The following PPP6R2 variants were observed in gnomAD, a reference collection of about 807,000 sequenced individuals.
PPP6R2 encodes protein phosphatase 6 regulatory subunit 2.
In PPP6R2, 62 loss-of-function variants were observed where a neutral mutation model predicts 100.2. The ratio of observed to expected loss-of-function variants is 0.62; its 90% confidence interval spans 0.50 to 0.76. PPP6R2 has a LOEUF of 0.76. Among genes scored for constraint, PPP6R2 ranks in the 30% least tolerant of loss-of-function variants. PPP6R2 has a pLI of 0.00. For missense variants in PPP6R2, 1,142 were observed against 1,276.3 expected (o/e 0.89, Z 1.60); for synonymous variants, 525 against 514.7 (o/e 1.02, Z -0.27).
At chr22:50,332,882 C>G in the PPP6R2 span, among the ~76,000 whole-genome samples, 69,413 of 151,924 alleles carry the variant, frequency 0.46, 17,017 homozygotes, top group African/African-American at 0.64. Context: ...TCTGCCTCCC[C>G]ATGGGCTGGG....
chr22:50,407,208 G>A (rs1357866068), intron 4 of PPP6R2, among the ~76,000 whole-genome samples: 4 of 152,140 alleles, frequency 2.6e-5, no homozygotes, highest in African/African-American at 7.2e-5. Context: ...TTAGCTGAGC[G>A]TGGTGGTGCG....
intron 10 of PPP6R2, among the ~76,000 whole-genome samples, chr22:50,429,267 G>A (rs948524147): frequency 2.6e-5 from 4 of 152,190 alleles, no homozygotes; most frequent in Non-Finnish European, 5.9e-5. Context: ...CTGACCTCAG[G>A]TGATCCACCC....
In PPP6R2 at chr22:50,438,222, T is replaced by C; in HGVS notation, c.1888T>C (p.Phe630Leu). 1 of 1,613,920 alleles carries C rather than the reference T, an allele frequency of 6.2e-7. No homozygotes were observed. The change falls in exon 18 of 24, where the codon TTT (phenylalanine) becomes CTT (leucine). Residue 630 changes from phenylalanine to leucine, a missense_variant. Phe to Leu is a conservative substitution (Grantham distance 22). Coordinates refer to ENST00000612753, the MANE Select transcript of PPP6R2 (RefSeq NM_001242898.2). Reference sequence around the variant, plus strand: ...CTGCTGCAGTGACCGCATCCAGCCCTTTGATGATGATGAGGACGAGGACAT... The same window carrying C: ...CTGCTGCAGTGACCGCATCCAGCCCCTTGATGATGATGAGGACGAGGACAT... ...EACCSDRIQPFDDDEDEDIWE... is the reference protein window; with the variant it reads ...EACCSDRIQPLDDDEDEDIWE...
chr22:50,374,721 T>C (rs1373497016), intron 2 of PPP6R2, among the ~76,000 whole-genome samples: 10 of 151,962 alleles, frequency 6.6e-5, no homozygotes, highest in Admixed American at 6.6e-4. Context: ...TGAGACCATC[T>C]TTGCTAATAC....
intron 1 of PPP6R2, among the ~76,000 whole-genome samples, chr22:50,365,133 G>A (rs962541254): frequency 1.7e-4 from 25 of 147,932 alleles, no homozygotes; most frequent in Admixed American, 1.5e-3. Flanking sequence ...TTGTAATGGC[G>A]CAATCTCGGC....
rs1333178025 is a variant in PPP6R2, at chr22:50,440,885, C to G, written c.2438C>G (p.Ser813Cys). The change falls in exon 22 of 24, where the codon TCT becomes TGT. Residue 813 changes from serine to cysteine, a missense_variant. Coordinates refer to ENST00000612753, the MANE Select transcript of PPP6R2 (RefSeq NM_001242898.2). Reference sequence around the variant, plus strand: ...ACCAGGAAGGCCCCCCTGCTGGCCTCTGACAGTAGCTCCTCTGGGGGCTCC... The same window carrying G: ...ACCAGGAAGGCCCCCCTGCTGGCCTGTGACAGTAGCTCCTCTGGGGGCTCC... Reference protein sequence around the residue: ...CVTRKAPLLASDSSSSGGSHS... With the variant: ...CVTRKAPLLACDSSSSGGSHS... 1 of 1,613,772 alleles carries G rather than the reference C, an allele frequency of 6.2e-7. No homozygotes were observed. The highest frequency in any genetic ancestry group is 1.3e-5 in the African/African-American group (1 of 74,948).
rs1244392547 is a variant in PPP6R2 at position 50,444,995 on chromosome 22, GATT to G, written c.*752_*754del. On this transcript the variant is annotated 3_prime_UTR_variant, in exon 24 of 24. Transcript: ENST00000612753. Reference sequence around the variant, plus strand: ...CATGTCGTCCTAGAAGGGTCCAGAAGATTATTTTACGTTGAGTCCATTTTTAAT... The same window carrying G: ...CATGTCGTCCTAGAAGGGTCCAGAAGATTTTACGTTGAGTCCATTTTTAAT... 1.3e-5 allele frequency: 2 copies of G among 152,580 alleles called. No individual in the cohort carries two copies. Among genetic ancestry groups the G allele is most frequent in the African/African-American group, 2.4e-5 (1 of 41,440 alleles). 9.5% of individuals were successfully genotyped at this position (152,580 alleles called of 1,614,324 possible).
chr22:50,396,415 A>G (rs1418878974), intron 3 of PPP6R2, among the ~76,000 whole-genome samples: 3 of 151,572 alleles, frequency 2.0e-5, no homozygotes, highest in Non-Finnish European at 4.4e-5. Context: ...GAATTGCTTG[A>G]ACCTGGGAGG....
intron 13 of PPP6R2, among the ~76,000 whole-genome samples, 185 bp from the exon 14 acceptor site, chr22:50,436,181 CG>C (rs2064211798): frequency 6.6e-6 from 1 of 152,234 alleles, no homozygotes; most frequent in Non-Finnish European, 1.5e-5. Context: ...CAGGCCCCTC[CG>C]GACACGCGGC....
rs71198247 is a variant in PPP6R2, at chr22:50,424,633, C to CTTTTTTTT, written c.1125+1035_1125+1042dup. Among the ~76,000 whole-genome samples, 108 of 74,254 alleles carry CTTTTTTTT rather than the reference C, an allele frequency of 1.5e-3. 2 individuals carry two copies. Among genetic ancestry groups the CTTTTTTTT allele is most frequent in the East Asian group, 4.2e-3 (9 of 2,168 alleles). The allele number at this position is 74,254 out of a possible 152,430, so 48.7% of individuals were successfully genotyped here. On this transcript the variant is annotated intron_variant, in intron 10 of 23. Coordinates refer to ENST00000612753, the MANE Select transcript of PPP6R2 (RefSeq NM_001242898.2). ...ACCTACTTTCCTTTTCCCTCTTCTT[C>CTTTTTTTT]TTTTTTTTTTTTTTTTTTTTTTTGA...
upstream of PPP6R2, among the ~76,000 whole-genome samples, chr22:50,340,068 GA>G (rs2066438948): frequency 2.1e-5 from 3 of 142,318 alleles, no homozygotes; most frequent in East Asian, 2.2e-4. Context: ...TGTGGTGTGT[GA>G]TGTGTGTGTG....
At chr22:50,350,133 G>T (rs942086173) in intron 1 of PPP6R2, among the ~76,000 whole-genome samples, 3 of 151,814 alleles carry the variant, frequency 2.0e-5, no homozygotes, top group Non-Finnish European at 2.9e-5. Flanking sequence ...GAAAAAAAAA[G>T]AAACCATTTT....
intron 22 of PPP6R2, among the ~76,000 whole-genome samples, chr22:50,441,957 A>G (rs2065750177): frequency 6.6e-6 from 1 of 152,130 alleles, no homozygotes; most frequent in Admixed American, 6.5e-5. Context: ...ACAGCTGTGC[A>G]AAGACCCTGA....
intron 9 of PPP6R2, 150 bp downstream of exon 9, chr22:50,422,530 A>G: frequency 3.6e-6 from 4 of 1,104,668 alleles, no homozygotes; most frequent in Non-Finnish European, 5.0e-6. Context: ...CCACTTGAGA[A>G]GCACCGGGCA....
At chr22:50,363,082 G>A (rs1162715679) in intron 1 of PPP6R2, among the ~76,000 whole-genome samples, 2 of 152,160 alleles carry the variant, frequency 1.3e-5, no homozygotes, top group African/African-American at 2.4e-5. Flanking sequence ...TTATAAACAT[G>A]AAGATGTGGG....
intron 6 of PPP6R2, among the ~76,000 whole-genome samples, chr22:50,417,222 C>T (rs1225233866): frequency 6.6e-6 from 1 of 152,082 alleles, no homozygotes; most frequent in African/African-American, 2.4e-5. Flanking sequence ...GGCTGTGGGC[C>T]GAGGCCGCCC....
intron 10 of PPP6R2, among the ~76,000 whole-genome samples, chr22:50,429,478 A>G (rs779019735): frequency 1.9e-4 from 29 of 152,214 alleles, no homozygotes; most frequent in Non-Finnish European, 3.2e-4. Context: ...TTATCCTGGT[A>G]TATAATTCTT....
At chr22:50,341,856 G>T (rs563272463), upstream of PPP6R2, among the ~76,000 whole-genome samples, 1 of 152,178 alleles carries the variant, frequency 6.6e-6, no homozygotes, top group African/African-American at 2.4e-5. Context: ...AGCCGGGCGC[G>T]GTGGCGGGCG....
the PPP6R2 span, among the ~76,000 whole-genome samples, chr22:50,332,901 C>A: frequency 3.3e-5 from 5 of 152,184 alleles, no homozygotes; most frequent in African/African-American, 1.2e-4. Context: ...GGATTACAGG[C>A]CTGAGCCACC....
Sources: gnomAD v4.1 joint callset for allele counts (sites outside exome capture counted in the v4.1 genomes callset) on GRCh38, gnomAD v4.1.1 for gene constraint, MANE v1.5 for transcripts, NCBI Gene and HGNC (gene_info 2026-07-23, HGNC 2026-07-21) for gene names.